The following FAM222B variants were observed in gnomAD, a reference collection of about 807,000 sequenced individuals.
The protein encoded by FAM222B is family with sequence similarity 222 member B.
A neutral mutation model predicts 38.0 loss-of-function variants in FAM222B; 12 were observed. That is an observed-to-expected ratio of 0.32 (90% confidence interval 0.20 to 0.51). The LOEUF (loss-of-function observed/expected upper bound fraction) is 0.51, where lower values mean the gene tolerates loss of function less well. FAM222B is among the 20% of genes least tolerant of loss of function. FAM222B has a pLI of 0.97. For missense variants in FAM222B, 716 were observed against 754.2 expected (o/e 0.95, Z 0.59); for synonymous variants, 329 against 317.2 (o/e 1.04, Z -0.40).
At chr17:28,776,609 C>T (rs2035910586) in intron 1 of FAM222B, among the ~76,000 whole-genome samples, 1 of 151,374 alleles carries the variant, frequency 6.6e-6, no homozygotes, top group Non-Finnish European at 1.5e-5. Context: ...GGCATGCCAC[C>T]ACCTGGTTAA....
At chr17:28,781,193 G>T (rs2036152926) in intron 1 of FAM222B, among the ~76,000 whole-genome samples, 2 of 152,078 alleles carry the variant, frequency 1.3e-5, no homozygotes, top group African/African-American at 4.8e-5. Flanking sequence ...AGCTACTCGG[G>T]AGACTGAGGT....
intron 1 of FAM222B, among the ~76,000 whole-genome samples, chr17:28,808,415 C>T (rs186273238): frequency 1.1e-3 from 163 of 152,282 alleles, no homozygotes; most frequent in Non-Finnish European, 2.0e-3. Context: ...TCTTAAAGGA[C>T]AGTATCATTA....
chr17:28,767,473 T>C (rs1319582412), intron 1 of FAM222B, among the ~76,000 whole-genome samples: 3 of 151,044 alleles, frequency 2.0e-5, no homozygotes, highest in African/African-American at 7.3e-5. Context: ...CTTACATTTA[T>C]TTACTTATTT....
intron 1 of FAM222B, among the ~76,000 whole-genome samples, chr17:28,852,331 G>A (rs544931377): frequency 1.8e-4 from 27 of 151,948 alleles, no homozygotes; most frequent in African/African-American, 6.5e-4. Context: ...ACTCCAGCCT[G>A]GGCGACAGAG....
chr17:28,845,651 T>G (rs1175005138), upstream of FAM222B, among the ~76,000 whole-genome samples: 2 of 151,732 alleles, frequency 1.3e-5, no homozygotes, highest in African/African-American at 4.8e-5. Context: ...ATCCCAGCAC[T>G]TTGGGAAGCC....
chr17:28,793,193 C>A (rs994344440), intron 1 of FAM222B, among the ~76,000 whole-genome samples: 2 of 152,138 alleles, frequency 1.3e-5, no homozygotes, highest in African/African-American at 4.8e-5. Context: ...GTCTTGACTT[C>A]CCAAAGTGCT....
intron 1 of FAM222B, among the ~76,000 whole-genome samples, chr17:28,853,927 G>C (rs1182319038): frequency 6.9e-6 from 1 of 145,348 alleles, no homozygotes; most frequent in Non-Finnish European, 1.5e-5. Flanking sequence ...CTCTACCAAA[G>C]TTTATCTCTG....
chr17:28,818,264 C>A (rs1012503613), intron 1 of FAM222B, among the ~76,000 whole-genome samples: 3 of 152,020 alleles, frequency 2.0e-5, no homozygotes, highest in Non-Finnish European at 4.4e-5. Flanking sequence ...CGCGGTGGCT[C>A]ACGCCTGTAA....
chr17:28,814,438 G>A (rs1598001867), intron 1 of FAM222B, among the ~76,000 whole-genome samples: 1 of 152,234 alleles, frequency 6.6e-6, no homozygotes, highest in African/African-American at 2.4e-5. Flanking sequence ...TGGAAAAGGA[G>A]CTGTATGACA....
At position 28,811,417 on chromosome 17, in the gene FAM222B, G is replaced by A. The variant is rs554924285; in HGVS notation, c.-41+31265C>T. ...ATCGCGCCACTGCACTCCAGCCTGG[G>A]CAACAGAGCGAGACTCGTCTCAAAA... On this transcript the variant is annotated intron_variant, in intron 1 of 2. Transcript: ENST00000581407. Among the ~76,000 whole-genome samples, 59 of 152,254 alleles carry A rather than the reference G, an allele frequency of 3.9e-4. No individual in the cohort carries two copies. In the South Asian group the frequency reaches 0.012, roughly 30 times the overall value.
At chr17:28,770,122 C>G (rs2035552419) in intron 1 of FAM222B, among the ~76,000 whole-genome samples, 1 of 152,128 alleles carries the variant, frequency 6.6e-6, no homozygotes, top group Admixed American at 6.6e-5. Context: ...ACCATCATTA[C>G]CACCTGTTTT....
intron 1 of FAM222B, among the ~76,000 whole-genome samples, chr17:28,821,191 T>A (rs1390881002): frequency 3.3e-5 from 5 of 152,064 alleles, no homozygotes; most frequent in Non-Finnish European, 7.4e-5. Context: ...CTTGACCTCG[T>A]GATCCACCCA....
intron 1 of FAM222B, among the ~76,000 whole-genome samples, chr17:28,798,993 T>G (rs866876528): frequency 2.9e-4 from 43 of 150,118 alleles, no homozygotes; most frequent in African/African-American, 9.3e-4. Flanking sequence ...TTTCTTTTTT[T>G]GGGATGGAGT....
intron 1 of FAM222B, among the ~76,000 whole-genome samples, chr17:28,831,020 G>A (rs1339713508): frequency 6.9e-6 from 1 of 144,144 alleles, no homozygotes; most frequent in East Asian, 2.0e-4. Flanking sequence ...TTTTGAGACG[G>A]AGTCTCGCTC....
chr17:28,823,539 C>G (rs1327590133), intron 1 of FAM222B, among the ~76,000 whole-genome samples: 1 of 152,300 alleles, frequency 6.6e-6, no homozygotes, highest in East Asian at 1.9e-4. Context: ...TGTGCCACCA[C>G]AAACAGCTAA....
rs1330349360 is a variant in FAM222B at position 28,759,257 on chromosome 17, T to G, written c.702A>C (p.Pro234=). 23 of 1,613,530 alleles carry G rather than the reference T, an allele frequency of 1.4e-5. No individual in the cohort carries two copies. Among genetic ancestry groups the G allele is most frequent in the Non-Finnish European group, 1.9e-5 (23 of 1,179,792 alleles). Residue 234 remains proline, a synonymous_variant, in exon 3 of 3, where the codon CCA becomes CCC. Coordinates refer to ENST00000581407, the MANE Select transcript of FAM222B (RefSeq NM_001077498.3). The surrounding 1 kb of genome is among the most constrained non-coding windows in gnomAD (Gnocchi z 4.8). ...NPLLHGGRKM[P]DSDAPPNVTV... ...TCACATTCGGGGGGGCATCTGAGTC[T>G]GGCATCTTCCGGCCTCCATGCAGCA...
chr17:28,836,135 G>A (rs368102875), intron 1 of FAM222B, among the ~76,000 whole-genome samples: 1 of 151,252 alleles, frequency 6.6e-6, no homozygotes, highest in South Asian at 2.1e-4. Flanking sequence ...GATTACAGGC[G>A]TCCACCACCA....
Position 28,758,717 on chromosome 17 carries a change from G to C in FAM222B, c.1242C>G (p.Leu414=). The C allele has an allele frequency of 6.3e-7, 1 of 1,591,110 alleles. No individual in the cohort carries two copies. Among genetic ancestry groups the C allele is most frequent in the Non-Finnish European group, 8.6e-7 (1 of 1,166,632 alleles). The change falls in exon 3 of 3, where the codon CTC becomes CTG. Residue 414 remains leucine (L), a synonymous_variant. Transcript: ENST00000581407. ...VGKAPAYPQE[L]CLAQSFHLKP... is the part of the protein sequence containing the mutation. ...TCAGATGGAAGGACTGCGCCAGGCA[G>C]AGTTCCTGCGGGTAGGCAGGGGCCT...
intron 1 of FAM222B, among the ~76,000 whole-genome samples, chr17:28,803,060 G>T (rs894973661): frequency 6.6e-6 from 1 of 151,848 alleles, no homozygotes; most frequent in Non-Finnish European, 1.5e-5. Flanking sequence ...CTAGGCTGGA[G>T]TACAGTGGTG....
Sources: allele counts gnomAD v4.1 joint callset (sites outside exome capture counted in the v4.1 genomes callset), GRCh38; gene constraint gnomAD v4.1.1; non-coding constraint Gnocchi (gnomAD v3.1); transcripts MANE v1.5; gene names NCBI Gene and HGNC (gene_info 2026-07-23, HGNC 2026-07-21).